Variants in CA6 observed in about 807,000 individuals in gnomAD.
The protein encoded by CA6 is carbonic anhydrase 6.
Under a neutral mutation model 35.9 loss-of-function variants are expected in CA6, and 28 were observed. The observed-to-expected ratio is 0.78, with a 90% CI of 0.58 to 1.07. The LOEUF (loss-of-function observed/expected upper bound fraction) is 1.07, where lower values mean the gene tolerates loss of function less well. CA6 is among the 50% of genes least tolerant of loss of function. The pLI is 0.00. For missense variants in CA6, 377 were observed against 382.0 expected (o/e 0.99, Z 0.11); for synonymous variants, 148 against 152.6 (o/e 0.97, Z 0.22).
At chr1:8,949,654 A>C (rs990577002) in intron 2 of CA6, among the ~76,000 whole-genome samples, 2 of 151,630 alleles carry the variant, frequency 1.3e-5, no homozygotes, top group East Asian at 3.9e-4. Flanking sequence ...TTTCGACTCA[A>C]CTCCCTGCTG....
chr1:8,967,665 G>A lies in CA6; in HGVS notation c.578G>A (p.Arg193Lys), dbSNP rs1226444221. The change falls in exon 6 of 8, where the codon AGA becomes AAA. Residue 193 changes from arginine (R) to lysine (K), a missense_variant. Coordinates refer to ENST00000377443, the MANE Select transcript of CA6 (RefSeq NM_001215.4). ...CTTCTGTCTTCTTGGTCAGGACAAAGAACAACCCTGACTGGCCTTGACGTT... is the reference window on the plus strand; with the variant it reads ...CTTCTGTCTTCTTGGTCAGGACAAAAAACAACCCTGACTGGCCTTGACGTT... Reference protein sequence around the residue: ...HLANIKYPGQRTTLTGLDVQD... With the variant: ...HLANIKYPGQKTTLTGLDVQD... 1.2e-6 allele frequency: 2 copies of A among 1,613,756 alleles called. No homozygotes were observed. The highest frequency in any genetic ancestry group is 1.3e-5 in the African/African-American group (1 of 74,894).
intron 4 of CA6, among the ~76,000 whole-genome samples, chr1:8,961,386 A>G (rs1295777755): frequency 6.6e-6 from 1 of 152,240 alleles, no homozygotes; most frequent in African/African-American, 2.4e-5. Context: ...GACTTATAAT[A>G]TATGTAGATA....
chr1:8,961,748 C>T (rs1221942836), intron 4 of CA6, among the ~76,000 whole-genome samples: 2 of 152,166 alleles, frequency 1.3e-5, no homozygotes, highest in African/African-American at 4.8e-5. Flanking sequence ...TGAAAATAGA[C>T]CTTTTTCACC....
At chr1:8,972,690 CA>C (rs1640141481) in intron 7 of CA6, among the ~76,000 whole-genome samples, 1 of 151,820 alleles carries the variant, frequency 6.6e-6, no homozygotes, top group Non-Finnish European at 1.5e-5. Context: ...TTCAAAAAAC[CA>C]AAACAAACAA....
intron 4 of CA6, 149 bp downstream of exon 4, chr1:8,959,151 G>A: frequency 3.2e-6 from 2 of 616,222 alleles, no homozygotes; most frequent in Non-Finnish European, 2.9e-6. Context: ...CTCGATGGAA[G>A]ATCACTGTGC....
intron 3 of CA6, among the ~76,000 whole-genome samples, chr1:8,958,254 G>A (rs1022584761): frequency 3.3e-5 from 5 of 152,072 alleles, no homozygotes; most frequent in African/African-American, 7.2e-5. Flanking sequence ...TGCAACCTCC[G>A]TTCCCTGGGT....
In CA6 at chr1:8,957,118, C is replaced by A; in HGVS notation, c.260-19C>A. The A allele has an allele frequency of 6.3e-7, 1 of 1,582,978 alleles. No individual in the cohort carries two copies. The highest frequency in any genetic ancestry group is 1.1e-5 in the South Asian group (1 of 87,092). On this transcript the variant is annotated intron_variant, in intron 2 of 7. Transcript: ENST00000377443. ...CTGTGTTCACCTACTCTGCTCTCAG[C>A]CCCACCTTGTCTCTCCAGTGCAGAT...
chr1:8,973,770 T>C (rs1450509759), intron 7 of CA6, among the ~76,000 whole-genome samples: 7 of 19,726 alleles, frequency 3.5e-4, no homozygotes, highest in Non-Finnish European at 4.7e-4. Flanking sequence ...CTTTCTTTCT[T>C]TCTTTCTTTC....
intron 4 of CA6, among the ~76,000 whole-genome samples, chr1:8,960,396 A>T (rs967714398): frequency 6.6e-6 from 1 of 151,800 alleles, no homozygotes; most frequent in African/African-American, 2.4e-5. Flanking sequence ...TGGGAGAAAA[A>T]TTAAAAAAAA....
At chr1:8,970,541 C>G (rs556727957) in intron 6 of CA6, among the ~76,000 whole-genome samples, 8 of 152,092 alleles carry the variant, frequency 5.3e-5, no homozygotes, top group Non-Finnish European at 1.0e-4. Flanking sequence ...CAGAGTTTCT[C>G]TCTGTCTCCC....
At chr1:8,967,876 T>G (rs1640011869) in intron 6 of CA6, 60 bp downstream of exon 6, 2 of 1,523,698 alleles carry the variant, frequency 1.3e-6, no homozygotes, top group Non-Finnish European at 1.8e-6. Flanking sequence ...TAACAAGGGT[T>G]CTCCCCAGCA....
chr1:8,966,302 G>T (rs986170130), intron 5 of CA6, among the ~76,000 whole-genome samples: 1 of 151,904 alleles, frequency 6.6e-6, no homozygotes, highest in African/African-American at 2.4e-5. Context: ...TAGAGACGGG[G>T]TTTCATCATG....
At chr1:8,962,754 A>G in intron 5 of CA6, 98 bp downstream of exon 5, 1 of 1,073,006 alleles carries the variant, frequency 9.3e-7, no homozygotes. Flanking sequence ...GCTGGTGGGG[A>G]GGGTGGCCCG....
chr1:8,961,828 T>C (rs200241265), intron 4 of CA6, among the ~76,000 whole-genome samples: 1 of 152,220 alleles, frequency 6.6e-6, no homozygotes, highest in East Asian at 1.9e-4. Flanking sequence ...GGGGGAATTG[T>C]AGTCGTTCTG....
At chr1:8,969,353 G>A (rs78015621) in intron 6 of CA6, among the ~76,000 whole-genome samples, 6,136 of 151,880 alleles carry the variant, frequency 0.04, 166 homozygotes, top group Non-Finnish European at 0.058. Flanking sequence ...TGGGTTTAAC[G>A]CATGTTAGAT....
In CA6 at chr1:8,970,925, A is replaced by G; in HGVS notation, c.788A>G (p.Tyr263Cys). Residue 263 changes from tyrosine (Y) to cysteine (C), a missense_variant, in exon 7 of 8, where the codon TAC (tyrosine) becomes TGC (cysteine). Transcript: ENST00000377443. Reference protein sequence around the residue: ...DHRNKTIHNDYRRTQPLNHRV... With the variant: ...DHRNKTIHNDCRRTQPLNHRV... ...CGCAACAAGACCATCCACAACGATT[A>G]CCGCAGGACCCAGCCCCTGAACCAC... The G allele has an allele frequency of 1.9e-6, 3 of 1,614,150 alleles. No individual in the cohort carries two copies. The highest frequency in any genetic ancestry group is 2.5e-6 in the Non-Finnish European group (3 of 1,179,990).
intron 6 of CA6, among the ~76,000 whole-genome samples, chr1:8,970,160 C>T (rs1640069689): frequency 1.4e-5 from 2 of 142,422 alleles, no homozygotes; most frequent in Non-Finnish European, 3.0e-5. Flanking sequence ...GAGCCGCAAT[C>T]GCGTCACTGC....
intron 5 of CA6, among the ~76,000 whole-genome samples, chr1:8,967,415 G>A (rs186673993): frequency 2.6e-5 from 4 of 152,190 alleles, no homozygotes; most frequent in East Asian, 3.9e-4. Context: ...GAAAATGGCC[G>A]CAGGGTGAGC....
intron 1 of CA6, among the ~76,000 whole-genome samples, chr1:8,948,303 G>T (rs989355743): frequency 3.3e-5 from 5 of 152,106 alleles, no homozygotes; most frequent in African/African-American, 1.2e-4. Flanking sequence ...ATGTTACTCT[G>T]TCCCCTACGA....
Sources: allele counts gnomAD v4.1 joint callset (sites outside exome capture counted in the v4.1 genomes callset), GRCh38; gene constraint gnomAD v4.1.1; transcripts MANE v1.5; gene names NCBI Gene and HGNC (gene_info 2026-07-23, HGNC 2026-07-21).